TENM3: variants seen among roughly 807,000 people sequenced by gnomAD.
TENM3 encodes the protein teneurin-3.
In TENM3, 63 loss-of-function variants were observed where a neutral mutation model predicts 255.1. The ratio of observed to expected loss-of-function variants is 0.25; its 90% CI spans 0.20 to 0.30. The LOEUF (loss-of-function observed/expected upper bound fraction) is 0.30. Ranked by LOEUF, TENM3 falls within the 10% of genes least tolerant of loss-of-function variation. The pLI is 1.00. For missense variants in TENM3, 2,929 were observed against 3,461.1 expected (o/e 0.85, Z 3.86); for synonymous variants, 1,306 against 1,322.3 (o/e 0.99, Z 0.27).
intron 8 of TENM3, 68 bp downstream of exon 8, chr4:182,679,944 A>G (rs1756007436): frequency 7.3e-7 from 1 of 1,361,726 alleles, no homozygotes; most frequent in Middle Eastern, 1.9e-4. Flanking sequence ...TAAAAACTAA[A>G]TTATCTGTAC....
chr4:182,312,946 T>C (rs146251074), intron 1 of TENM3, among the ~76,000 whole-genome samples: 9 of 152,342 alleles, frequency 5.9e-5, no homozygotes, highest in African/African-American at 1.9e-4. Context: ...AATGACTGGA[T>C]TAATATATAT....
intron 1 of TENM3, among the ~76,000 whole-genome samples, chr4:182,196,739 T>C (rs531491849): frequency 6.6e-6 from 1 of 152,194 alleles, no homozygotes; most frequent in Non-Finnish European, 1.5e-5. Flanking sequence ...AAAGTTTTTC[T>C]TTTTCTTCTT....
At chr4:182,489,587 G>T (rs1487790043) in intron 3 of TENM3, among the ~76,000 whole-genome samples, 1 of 152,152 alleles carries the variant, frequency 6.6e-6, no homozygotes, top group African/African-American at 2.4e-5. Flanking sequence ...ACACCATACT[G>T]TTGAAATGAT....
chr4:181,847,295 G>C, the TENM3 span, among the ~76,000 whole-genome samples: 1 of 152,180 alleles, frequency 6.6e-6, no homozygotes, highest in East Asian at 1.9e-4. Flanking sequence ...AAATAAAAGA[G>C]TAAATCTGCC....
intron 8 of TENM3, 119 bp downstream of exon 8, chr4:182,679,995 A>T: frequency 1.1e-6 from 1 of 880,816 alleles, no homozygotes; most frequent in Non-Finnish European, 1.7e-6. Context: ...CCCAGGTAAA[A>T]TGTGAGAATT....
chr4:181,872,536 C>G, the TENM3 span, among the ~76,000 whole-genome samples: 1 of 152,068 alleles, frequency 6.6e-6, no homozygotes, highest in East Asian at 1.9e-4. Flanking sequence ...ATGTGACAAA[C>G]AGTGTTGTTC....
At chr4:182,673,401 G>C (rs1387171243) in intron 7 of TENM3, among the ~76,000 whole-genome samples, 182 bp downstream of exon 7, 2 of 152,142 alleles carry the variant, frequency 1.3e-5, no homozygotes, top group African/African-American at 4.8e-5. Context: ...GTAGTGGGAA[G>C]AACAATATTT....
the TENM3 span, among the ~76,000 whole-genome samples, chr4:181,980,959 A>C: frequency 6.6e-6 from 1 of 152,312 alleles, no homozygotes; most frequent in East Asian, 1.9e-4. Context: ...CAGAACCACA[A>C]GGTAAAAATG....
At chr4:181,650,700 G>A in the TENM3 span, among the ~76,000 whole-genome samples, 1 of 152,148 alleles carries the variant, frequency 6.6e-6, no homozygotes, top group African/African-American at 2.4e-5. Flanking sequence ...TGAATAACAG[G>A]AATCTAGAAC....
intron 12 of TENM3, among the ~76,000 whole-genome samples, chr4:182,692,571 A>C (rs1757087103): frequency 6.6e-6 from 1 of 152,238 alleles, no homozygotes; most frequent in Non-Finnish European, 1.5e-5. Flanking sequence ...CTCTGTAGAC[A>C]GGCAAGTTGT....
chr4:182,586,899 C>T (rs1285078211), intron 3 of TENM3, among the ~76,000 whole-genome samples: 1 of 152,092 alleles, frequency 6.6e-6, no homozygotes. Context: ...TTTTGAGAAG[C>T]AAGATCAGTA....
chr4:181,482,031 T>C, the TENM3 span, among the ~76,000 whole-genome samples: 2 of 152,156 alleles, frequency 1.3e-5, no homozygotes, highest in South Asian at 2.1e-4. Context: ...GAAGTATTGA[T>C]TGATAATCCA....
the TENM3 span, among the ~76,000 whole-genome samples, chr4:181,453,752 C>T: frequency 6.6e-6 from 1 of 152,126 alleles, no homozygotes; most frequent in Non-Finnish European, 1.5e-5. Context: ...TTCACTCCAA[C>T]CAATAACCTC....
intron 1 of TENM3, among the ~76,000 whole-genome samples, chr4:182,221,309 G>A (rs994404533): frequency 1.3e-5 from 2 of 152,162 alleles, no homozygotes; most frequent in Admixed American, 6.5e-5. Flanking sequence ...ATCTTTTTAA[G>A]GATTTGCCTT....
the TENM3 span, among the ~76,000 whole-genome samples, chr4:182,138,688 A>C: frequency 6.6e-6 from 1 of 152,242 alleles, no homozygotes; most frequent in Admixed American, 6.5e-5. Context: ...TTAATATAAA[A>C]ACATGAGTAT....
At chr4:181,888,358 C>T in the TENM3 span, among the ~76,000 whole-genome samples, 1 of 151,064 alleles carries the variant, frequency 6.6e-6, no homozygotes, top group African/African-American at 2.4e-5. Context: ...TGTCATTTCC[C>T]AACCTGCACC....
At chr4:182,640,286 G>A (rs1752189317) in intron 5 of TENM3, among the ~76,000 whole-genome samples, 2 of 152,138 alleles carry the variant, frequency 1.3e-5, no homozygotes, top group South Asian at 4.1e-4. Context: ...TTATAAAGGT[G>A]ATCGGCACAT....
At chr4:182,219,171 G>A (rs1392810247) in intron 1 of TENM3, among the ~76,000 whole-genome samples, 3 of 152,082 alleles carry the variant, frequency 2.0e-5, no homozygotes, top group African/African-American at 4.8e-5. Flanking sequence ...GCAGTGAGTC[G>A]AAATCACGCC....
Position 182,501,375 on chromosome 4 carries a change from G to GT in TENM3, c.512-99549_512-99548insT, listed in dbSNP as rs200924803. On this transcript the variant is annotated intron_variant, in intron 3 of 27. Transcript: ENST00000511685. The stretch of plus-strand genomic sequence containing the variant: ...ATAGTTAAAGCTATGTCTAAAAGTG[G>GT]GGGGGGGGGTTGGCAATTAATCTTA... Among the ~76,000 whole-genome samples the GT allele has an allele frequency of 4.2e-3, 101 of 24,076 alleles. 2 individuals carry two copies. Among genetic ancestry groups the GT allele is most frequent in the African/African-American group, 5.7e-3 (90 of 15,904 alleles). The allele number at this position is 24,076 out of a possible 152,430, so 15.8% of individuals were successfully genotyped here. A position where few individuals can be genotyped will look rare whatever the true frequency, so the allele number is the denominator to read the frequency against.
Sources: gnomAD v4.1 joint callset for allele counts (sites outside exome capture counted in the v4.1 genomes callset) on GRCh38, gnomAD v4.1.1 for gene constraint, MANE v1.5 for transcripts, NCBI Gene and HGNC (gene_info 2026-07-23, HGNC 2026-07-21) for gene names.